Variants in INO80C observed in about 807,000 individuals in gnomAD.
INO80C encodes INO80 complex subunit C.
In INO80C, 17 loss-of-function variants were observed where a neutral mutation model predicts 17.7. That is an observed-to-expected ratio of 0.96 (90% CI 0.66 to 1.44). The LOEUF (loss-of-function observed/expected upper bound fraction) is 1.44, where lower values mean the gene tolerates loss of function less well. INO80C is among the 40% of genes most tolerant of loss of function. INO80C has a pLI of 0.00. For missense variants in INO80C, 244 were observed against 245.0 expected (o/e 1.00, Z 0.03); for synonymous variants, 96 against 95.8 (o/e 1.00, Z -0.01).
Position 35,468,436 on chromosome 18 carries a change from GAA to G in INO80C, c.*173_*174del. The stretch of plus-strand genomic sequence containing the variant: ...CAGCAGGAAATATCACACTTGGAGG[GAA>G]AACACACACTAAAAAAAAAAAAAAC... On this transcript the variant is annotated 3_prime_UTR_variant, in exon 5 of 5. Coordinates refer to ENST00000334598, the MANE Select transcript of INO80C (RefSeq NM_194281.4). 8.5e-6 allele frequency: 12 copies of G among 1,416,840 alleles called. No individual in the cohort carries two copies. The highest frequency in any genetic ancestry group is 1.1e-5 in the Non-Finnish European group (12 of 1,092,992). The allele number at this position is 1,416,840 out of a possible 1,614,324, so 87.8% of individuals were successfully genotyped here. A position where few individuals can be genotyped will look rare whatever the true frequency, so the allele number is the denominator to read the frequency against.
chr18:35,472,733 A>G (rs1038842602), intron 4 of INO80C, among the ~76,000 whole-genome samples: 2 of 152,194 alleles, frequency 1.3e-5, no homozygotes, highest in African/African-American at 4.8e-5. Context: ...ATGTATGAAG[A>G]TACCCATTTC....
chr18:35,490,989 G>T (rs1478944738), intron 1 of INO80C, among the ~76,000 whole-genome samples: 4 of 152,174 alleles, frequency 2.6e-5, no homozygotes, highest in Non-Finnish European at 5.9e-5. Flanking sequence ...CGAACTCCTG[G>T]ACTCAAGTGG....
At chr18:35,474,207 CTATATATATATATATATATA>C (rs58465669) in intron 4 of INO80C, among the ~76,000 whole-genome samples, 681 of 58,058 alleles carry the variant, frequency 0.012, 17 homozygotes, top group African/African-American at 0.019. Flanking sequence ...GTGTGTGTGT[CTATATATATATATATATATA>C]TATATATATA....
chr18:35,469,197 C>A (rs1449597214), intron 4 of INO80C, among the ~76,000 whole-genome samples: 7 of 152,238 alleles, frequency 4.6e-5, no homozygotes, highest in Non-Finnish European at 1.5e-5. Flanking sequence ...TCCAACACCC[C>A]CTGCGCCACT....
chr18:35,468,623 G>A lies in INO80C; in HGVS notation c.567C>T (p.Ser189=). 1 of 1,614,132 alleles carries A rather than the reference G, an allele frequency of 6.2e-7. No homozygotes were observed. The highest frequency in any genetic ancestry group is 8.5e-7 in the Non-Finnish European group (1 of 1,179,998). ...TGYLALRKAT[S]IVP is the part of the protein sequence containing the mutation. ...CCCTTTCTGGGGCTCAGGGAACGAT[G>A]CTCGTGGCCTTCCTCAGGGCCAGGT... is the stretch of plus-strand genomic sequence containing the variant. The change falls in exon 5 of 5, where the codon AGC becomes AGT. Residue 189 remains serine (S), a synonymous_variant. Transcript: ENST00000334598.
intron 1 of INO80C, among the ~76,000 whole-genome samples, chr18:35,486,786 TAAAAAAAAAAAA>T (rs374753662): frequency 2.5e-5 from 2 of 79,682 alleles, no homozygotes; most frequent in Admixed American, 1.4e-4. Context: ...CCCAATTTCT[TAAAAAAAAAAAA>T]AAAAAAAAAA....
At chr18:35,472,766 T>A (rs938081621) in intron 4 of INO80C, among the ~76,000 whole-genome samples, 15 of 152,232 alleles carry the variant, frequency 9.9e-5, no homozygotes, top group Non-Finnish European at 2.1e-4. Flanking sequence ...CCAAAATGTA[T>A]AATCAAATGT....
chr18:35,497,604 C>T (rs1213906414), intron 1 of INO80C, 115 bp downstream of exon 1: 4 of 1,454,986 alleles, frequency 2.7e-6, no homozygotes, highest in Admixed American at 2.7e-5. Context: ...TCTTTCAACC[C>T]CAACGGAGAC....
intron 2 of INO80C, among the ~76,000 whole-genome samples, chr18:35,479,900 T>A (rs561991293): frequency 5.3e-5 from 8 of 151,462 alleles, no homozygotes; most frequent in South Asian, 4.2e-4. Flanking sequence ...TTTTTTTTTT[T>A]ATCCTACAAA....
chr18:35,475,596 G>A lies in INO80C; in HGVS notation c.447+2686C>T, dbSNP rs150827117. ...GAGGTAGATGCATCACCTGAGCCTG[G>A]GAGGTCAAGACGGCTGCAGTGAGCC... On this transcript the variant is annotated intron_variant, in intron 4 of 4. Coordinates refer to ENST00000334598, the MANE Select transcript of INO80C (RefSeq NM_194281.4). Among the ~76,000 whole-genome samples, 411 of 152,160 alleles carry A rather than the reference G, an allele frequency of 2.7e-3. 2 individuals are homozygous for A. The highest frequency in any genetic ancestry group is 9.2e-3 in the African/African-American group (383 of 41,496).
chr18:35,468,377 T>C lies in INO80C; in HGVS notation c.*234A>G. The C allele has an allele frequency of 7.3e-7, 1 of 1,364,140 alleles. No homozygotes were observed. Among genetic ancestry groups the C allele is most frequent in the Non-Finnish European group, 9.5e-7 (1 of 1,057,064 alleles). The allele number at this position is 1,364,140 out of a possible 1,614,324, so 84.5% of individuals were successfully genotyped here. A position where few individuals can be genotyped will look rare whatever the true frequency, so the allele number is the denominator to read the frequency against. On this transcript the variant is annotated 3_prime_UTR_variant, in exon 5 of 5. Coordinates refer to ENST00000334598, the MANE Select transcript of INO80C (RefSeq NM_194281.4). ...TATTGTATCTTCTTGTCAAACACCTTTACTTGAGGCAACAACTGAAGTATA... is the reference window on the plus strand; with the variant it reads ...TATTGTATCTTCTTGTCAAACACCTCTACTTGAGGCAACAACTGAAGTATA...
chr18:35,483,215 T>G (rs1213921369), intron 1 of INO80C, among the ~76,000 whole-genome samples: 1 of 152,204 alleles, frequency 6.6e-6, no homozygotes, highest in Non-Finnish European at 1.5e-5. Flanking sequence ...GTATGATTTT[T>G]TTTCCTTTAT....
rs759802088 is a variant in INO80C at position 35,479,399 on chromosome 18, C to T, written c.280G>A (p.Gly94Ser). The change falls in exon 3 of 5, where the codon GGT becomes AGT. Residue 94 changes from glycine to serine, a missense_variant. Transcript: ENST00000334598. ...KDPNFVHSGH[G>S]GAVAGKKNRT... ...TTCTTCTTGCCAGCTACTGCGCCACCGTGGCCAGAGTGCTTGAATTGAAGG... is the reference window on the plus strand; with the variant it reads ...TTCTTCTTGCCAGCTACTGCGCCACTGTGGCCAGAGTGCTTGAATTGAAGG... 13 of 1,613,334 alleles carry T rather than the reference C, an allele frequency of 8.1e-6. No individual in the cohort carries two copies. In the Admixed American group the frequency reaches 1.2e-4, roughly 14 times the overall value.
chr18:35,469,363 C>CAA, intron 4 of INO80C, among the ~76,000 whole-genome samples: 1 of 152,230 alleles, frequency 6.6e-6, no homozygotes, highest in East Asian at 1.9e-4. Context: ...GCTCTTGGGA[C>CAA]AAAGGCCCAA....
At chr18:35,489,374 C>T (rs376154337) in intron 1 of INO80C, 15 of 254,986 alleles carry the variant, frequency 5.9e-5, no homozygotes, top group African/African-American at 1.2e-4. Flanking sequence ...TGGTGGAAGG[C>T]GAAAGGCACG....
intron 4 of INO80C, among the ~76,000 whole-genome samples, chr18:35,475,672 T>TA (rs147446921): frequency 1.4e-3 from 205 of 144,160 alleles, no homozygotes; most frequent in Admixed American, 2.3e-3. Flanking sequence ...GACCCTGTCT[T>TA]AAAAAAAAAA....
chr18:35,485,551 T>G (rs192222487), intron 1 of INO80C, among the ~76,000 whole-genome samples: 3 of 151,944 alleles, frequency 2.0e-5, no homozygotes, highest in Non-Finnish European at 4.4e-5. Context: ...ATAACACATA[T>G]TGGCAAAGAT....
chr18:35,472,461 G>A (rs1199401061), intron 4 of INO80C, among the ~76,000 whole-genome samples: 1 of 152,008 alleles, frequency 6.6e-6, no homozygotes, highest in Non-Finnish European at 1.5e-5. Context: ...TTTTTTTCTT[G>A]TAAATTTGTT....
rs1052448019 is a variant in INO80C at position 35,497,956 on chromosome 18, T to C, written c.-82A>G. 6 of 1,394,744 alleles carry C rather than the reference T, an allele frequency of 4.3e-6. No homozygotes were observed. The African/African-American group carries it at 6.1e-5, about 14-fold the overall frequency. The allele number at this position is 1,394,744 out of a possible 1,614,324, so 86.4% of individuals were successfully genotyped here. ...CTTCCTTTCCGCTGTTACTTCCGTCTTGATGCTTGAAAACCCGGCCTGGAC... is the reference window on the plus strand; with the variant it reads ...CTTCCTTTCCGCTGTTACTTCCGTCCTGATGCTTGAAAACCCGGCCTGGAC... On this transcript the variant is annotated 5_prime_UTR_variant, in exon 1 of 5. Transcript: ENST00000334598.
Sources: allele counts gnomAD v4.1 joint callset (sites outside exome capture counted in the v4.1 genomes callset), GRCh38; gene constraint gnomAD v4.1.1; transcripts MANE v1.5; gene names NCBI Gene and HGNC (gene_info 2026-07-23, HGNC 2026-07-21).